The following USP36 variants were observed in gnomAD, a reference collection of about 807,000 sequenced individuals.
The protein encoded by USP36 is ubiquitin carboxyl-terminal hydrolase 36.
A neutral mutation model predicts 111.5 loss-of-function variants in USP36; 59 were observed. The observed-to-expected ratio is 0.53, with a 90% CI of 0.43 to 0.66. The LOEUF is 0.66. Ranked by LOEUF, USP36 falls within the 30% of genes least tolerant of loss-of-function variation. The probability of loss-of-function intolerance (pLI) is 0.00; values close to 1 mark genes in which losing one functional copy is unlikely to be tolerated. For synonymous variants in USP36, 628 were observed against 581.0 expected (o/e 1.08, Z -1.16); for missense variants, 1,488 against 1,468.0 (o/e 1.01, Z -0.22).
intron 1 of USP36, among the ~76,000 whole-genome samples, chr17:78,839,173 C>T (rs900613812): frequency 5.3e-5 from 8 of 152,164 alleles, no homozygotes; most frequent in Admixed American, 3.3e-4. Flanking sequence ...TCTTTCATTA[C>T]CATCTACGAT....
chr17:78,810,879 C>T (rs1428635414), intron 13 of USP36, among the ~76,000 whole-genome samples: 2 of 151,908 alleles, frequency 1.3e-5, no homozygotes, highest in Non-Finnish European at 2.9e-5. Flanking sequence ...TCTGGGAGGT[C>T]AAGCTGAGCG....
At chr17:78,822,098 G>A (rs1368662531) in intron 6 of USP36, 94 bp from the exon 7 acceptor site, 4 of 1,447,596 alleles carry the variant, frequency 2.8e-6, no homozygotes, top group Non-Finnish European at 3.9e-6. Flanking sequence ...CCAGTCACAA[G>A]CTCAGCGTGA....
At chr17:78,807,661 C>T (rs1163097670) in intron 13 of USP36, 25 bp from the exon 14 acceptor site, 1 of 1,511,454 alleles carries the variant, frequency 6.6e-7, no homozygotes, top group East Asian at 2.3e-5. Flanking sequence ...GCAGAAAACA[C>T]AACTGAGGAA....
In USP36 at chr17:78,798,266, C is replaced by A. The variant is rs1395767417; in HGVS notation, c.*20+134G>T. ...CACAGACGCGCCCACACCACACACA[C>A]CACCCAACACACATGTGCCAGATAC... is the stretch of plus-strand genomic sequence containing the variant. On this transcript the variant is annotated intron_variant, in intron 20 of 20. Coordinates refer to ENST00000449938, the MANE Select transcript of USP36 (RefSeq NM_001385174.1). This position sits in a 1 kb window ranked among gnomAD's most constrained non-coding sequence, Gnocchi z 5.1. 7.3e-6 allele frequency: 9 copies of A among 1,227,472 alleles called. No individual in the cohort carries two copies. Among genetic ancestry groups the A allele is most frequent in the Non-Finnish European group, 1.0e-5 (9 of 895,506 alleles). 76.0% of individuals were successfully genotyped at this position (1,227,472 alleles called of 1,614,324 possible). A position where few individuals can be genotyped will look rare whatever the true frequency, so the allele number is the denominator to read the frequency against.
intron 13 of USP36, 110 bp downstream of exon 13, chr17:78,812,750 G>A: frequency 2.1e-6 from 2 of 944,706 alleles, no homozygotes; most frequent in Non-Finnish European, 3.2e-6. Context: ...AACTAGAATA[G>A]TGCAAACTGC....
chr17:78,825,754 C>T (rs1301441588), intron 6 of USP36, among the ~76,000 whole-genome samples: 1 of 152,218 alleles, frequency 6.6e-6, no homozygotes, highest in South Asian at 2.1e-4. Flanking sequence ...CAGGTGGCTG[C>T]ACCCTGTGCC....
At chr17:78,805,563 C>T (rs1177379295) in intron 15 of USP36, among the ~76,000 whole-genome samples, 2 of 152,196 alleles carry the variant, frequency 1.3e-5, no homozygotes, top group Admixed American at 1.3e-4. Flanking sequence ...GGCTTCCAGA[C>T]AGCCATTTAC....
intron 6 of USP36, among the ~76,000 whole-genome samples, chr17:78,823,461 G>A (rs1410448251): frequency 6.6e-6 from 1 of 152,294 alleles, no homozygotes; most frequent in Non-Finnish European, 1.5e-5. Flanking sequence ...TTCCCCAGGA[G>A]GAGGAAAGGC....
intron 3 of USP36, among the ~76,000 whole-genome samples, chr17:78,790,351 C>T (rs1034190583): frequency 3.9e-5 from 6 of 152,076 alleles, no homozygotes; most frequent in Admixed American, 1.3e-4. Context: ...AGCACAATGG[C>T]GCGGTCTCAG....
At chr17:78,789,194 T>TC (rs1223528966) in intron 3 of USP36, among the ~76,000 whole-genome samples, 4 of 58,546 alleles carry the variant, frequency 6.8e-5, no homozygotes, top group Non-Finnish European at 9.9e-5. Context: ...AGAAACTTGG[T>TC]CCCAAAAAAA....
downstream of USP36, among the ~76,000 whole-genome samples, chr17:78,792,373 A>AG (rs1300573324): frequency 6.6e-6 from 1 of 152,006 alleles, no homozygotes; most frequent in Admixed American, 6.6e-5. Flanking sequence ...GCATACACAG[A>AG]GGGGGCACCT....
chr17:78,810,019 G>C (rs1484895745), intron 13 of USP36, among the ~76,000 whole-genome samples: 2 of 152,054 alleles, frequency 1.3e-5, no homozygotes, highest in African/African-American at 4.8e-5. Context: ...GCTAACTTTT[G>C]TATTTTTAGT....
At chr17:78,826,117 A>C (rs2067517075) in intron 6 of USP36, among the ~76,000 whole-genome samples, 1 of 152,190 alleles carries the variant, frequency 6.6e-6, no homozygotes, top group Admixed American at 6.5e-5. Context: ...TACAGGGAGC[A>C]AGGAAGCTTG....
At chr17:78,815,693 T>C (rs1429235303) in intron 10 of USP36, among the ~76,000 whole-genome samples, 1 of 134,172 alleles carries the variant, frequency 7.5e-6, no homozygotes, top group East Asian at 2.1e-4. Flanking sequence ...TTCCCAAAAC[T>C]GACCAATTTT....
chr17:78,790,534 G>A (rs1030527491), intron 3 of USP36, among the ~76,000 whole-genome samples: 1 of 151,946 alleles, frequency 6.6e-6, no homozygotes, highest in African/African-American at 2.4e-5. Flanking sequence ...CTTGTGATCT[G>A]TCTGCCGTGG....
chr17:78,838,633 C>T lies in USP36; in HGVS notation c.-56G>A, dbSNP rs915125145. ...CTGCTGTCCTACTGCGGCATGGAAC[C>T]AGGATCTTAACGGAGGGCTGAGTTT... On this transcript the variant is annotated 5_prime_UTR_variant, in exon 2 of 21. It introduces an in-frame stop codon into an upstream open reading frame of the 5' UTR. Transcript: ENST00000449938. The T allele has an allele frequency of 6.6e-6, 1 of 152,234 alleles. No individual in the cohort carries two copies. Among genetic ancestry groups the T allele is most frequent in the Non-Finnish European group, 1.5e-5 (1 of 68,070 alleles). The allele number at this position is 152,234 out of a possible 1,614,324, so 9.4% of individuals were successfully genotyped here.
chr17:78,799,605 C>A (rs2093690159), intron 18 of USP36, 62 bp downstream of exon 18: 1 of 1,495,230 alleles, frequency 6.7e-7, no homozygotes, highest in Non-Finnish European at 9.3e-7. Flanking sequence ...CATTCCACAC[C>A]CTTCCCTCCT....
chr17:78,806,128 A>G (rs1360436898), intron 15 of USP36, 28 bp downstream of exon 15: 8 of 1,612,156 alleles, frequency 5.0e-6, no homozygotes, highest in Non-Finnish European at 6.8e-6. Flanking sequence ...ACCAGTTGGC[A>G]CCCAGAAGAT....
chr17:78,808,181 T>C (rs1224700463), intron 13 of USP36, among the ~76,000 whole-genome samples: 4 of 152,228 alleles, frequency 2.6e-5, no homozygotes, highest in African/African-American at 7.2e-5. Context: ...GGTTCTGGCC[T>C]GAAGAGTTGC....
Sources: gnomAD v4.1 joint callset for allele counts (sites outside exome capture counted in the v4.1 genomes callset) on GRCh38, gnomAD v4.1.1 for gene constraint, Gnocchi (gnomAD v3.1) non-coding constraint, MANE v1.5 for transcripts, NCBI Gene and HGNC (gene_info 2026-07-23, HGNC 2026-07-21) for gene names.